COL23A1: variants seen among roughly 807,000 people sequenced by gnomAD.
COL23A1 encodes the protein collagen alpha-1(XXIII) chain.
COL23A1 carries 97 observed loss-of-function variants against 99.3 expected under a neutral mutation model. That is an observed-to-expected ratio of 0.98 (90% CI 0.83 to 1.16). The LOEUF is 1.16. COL23A1 is among the 50% of genes most tolerant of loss of function. COL23A1 has a pLI of 0.00. For missense variants in COL23A1, 762 were observed against 757.4 expected (o/e 1.01, Z -0.07); for synonymous variants, 320 against 308.2 (o/e 1.04, Z -0.40).
chr5:178,247,486 G>C (rs931533922), intron 22 of COL23A1, 40 bp downstream of exon 22: 11 of 1,611,334 alleles, frequency 6.8e-6, no homozygotes, highest in Admixed American at 3.3e-5. Context: ...CTGCCCAGAC[G>C]GTGAGTCTGA....
chr5:178,327,875 G>GAC (rs943611755), intron 2 of COL23A1, among the ~76,000 whole-genome samples: 31 of 152,208 alleles, frequency 2.0e-4, no homozygotes, highest in African/African-American at 6.8e-4. Flanking sequence ...AGTCCTGGCA[G>GAC]ACAAGCTGCT....
intron 2 of COL23A1, among the ~76,000 whole-genome samples, chr5:178,349,469 G>C (rs1761179569): frequency 6.7e-6 from 1 of 149,554 alleles, no homozygotes; most frequent in Admixed American, 6.7e-5. Context: ...AAAAGTGGCT[G>C]GTCCCCTCCG....
At chr5:178,545,625 T>C (rs1021986661) in intron 2 of COL23A1, among the ~76,000 whole-genome samples, 2 of 152,090 alleles carry the variant, frequency 1.3e-5, no homozygotes, top group Non-Finnish European at 2.9e-5. Context: ...CAGGAGTTGC[T>C]TTCTCTCCAT....
chr5:178,558,612 T>C (rs1376300841), intron 2 of COL23A1, among the ~76,000 whole-genome samples: 1 of 152,146 alleles, frequency 6.6e-6, no homozygotes, highest in Non-Finnish European at 1.5e-5. Flanking sequence ...CTAAACGGAT[T>C]TGGTGTCTCA....
At chr5:178,430,597 G>A (rs532340012) in intron 2 of COL23A1, among the ~76,000 whole-genome samples, 14 of 152,364 alleles carry the variant, frequency 9.2e-5, no homozygotes, top group African/African-American at 2.9e-4. Context: ...GAGTGTGAGC[G>A]TGCAGAGAAT....
At chr5:178,426,321 T>C (rs1039165193) in intron 2 of COL23A1, among the ~76,000 whole-genome samples, 3 of 152,224 alleles carry the variant, frequency 2.0e-5, no homozygotes, top group Admixed American at 6.5e-5. Context: ...CAACTTCAGC[T>C]CATCGCTTTT....
chr5:178,450,362 C>T (rs996738302), intron 2 of COL23A1, among the ~76,000 whole-genome samples: 14 of 152,200 alleles, frequency 9.2e-5, no homozygotes, highest in Non-Finnish European at 1.6e-4. Flanking sequence ...GCTTCCTTCT[C>T]GGGCTCACTC....
In COL23A1 at chr5:178,239,182, G is replaced by A. The variant is rs780784987; in HGVS notation, c.1582-3C>T. Reference sequence around the variant, plus strand: ...GGCACAGGCAGCCCGTCGGGGCCCTGGAAAGGAAGAAGGTTTCAGTGATGG... The same window carrying A: ...GGCACAGGCAGCCCGTCGGGGCCCTAGAAAGGAAGAAGGTTTCAGTGATGG... On this transcript the variant is annotated splice_polypyrimidine_tract_variant and splice_region_variant and intron_variant, in intron 27 of 28. Coordinates refer to ENST00000390654, the MANE Select transcript of COL23A1 (RefSeq NM_173465.4). 1.9e-6 allele frequency: 3 copies of A among 1,614,048 alleles called. No individual in the cohort carries two copies. Among genetic ancestry groups the A allele is most frequent in the Admixed American group, 3.3e-5 (2 of 60,026 alleles).
intron 2 of COL23A1, among the ~76,000 whole-genome samples, chr5:178,382,510 C>T (rs1003044720): frequency 2.0e-5 from 3 of 152,048 alleles, no homozygotes; most frequent in East Asian, 3.9e-4. Flanking sequence ...CTGGAGGAGG[C>T]GGGACCTGAG....
At chr5:178,438,491 T>G (rs747724040) in intron 2 of COL23A1, among the ~76,000 whole-genome samples, 1 of 152,190 alleles carries the variant, frequency 6.6e-6, no homozygotes, top group East Asian at 1.9e-4. Flanking sequence ...TGTATCTGAC[T>G]GGTGTTTATG....
At chr5:178,351,222 T>C (rs1450955431) in intron 2 of COL23A1, 2 of 152,154 alleles carry the variant, frequency 1.3e-5, no homozygotes, top group Admixed American at 6.5e-5. Context: ...ATTCTGGCTC[T>C]AGAGAAAGAT....
chr5:178,585,008 G>A (rs1442035863), intron 1 of COL23A1, among the ~76,000 whole-genome samples: 1 of 152,174 alleles, frequency 6.6e-6, no homozygotes, highest in African/African-American at 2.4e-5. Flanking sequence ...AAGGGTTAAA[G>A]GCCAAAGACT....
At chr5:178,459,096 A>G (rs1310729789) in intron 2 of COL23A1, among the ~76,000 whole-genome samples, 1 of 152,200 alleles carries the variant, frequency 6.6e-6, no homozygotes, top group African/African-American at 2.4e-5. Context: ...ACCAATCACA[A>G]TATGGGAACC....
intron 2 of COL23A1, among the ~76,000 whole-genome samples, chr5:178,443,701 G>T (rs1401679234): frequency 6.6e-6 from 1 of 150,846 alleles, no homozygotes; most frequent in East Asian, 2.0e-4. Flanking sequence ...CAAGTGATCC[G>T]CCTGCCTCAG....
intron 2 of COL23A1, among the ~76,000 whole-genome samples, chr5:178,375,953 C>T (rs1026410719): frequency 5.3e-5 from 8 of 152,158 alleles, no homozygotes; most frequent in African/African-American, 1.7e-4. Context: ...GTGATCTGCC[C>T]GCCTCGGCCT....
chr5:178,394,120 A>C, intron 2 of COL23A1, among the ~76,000 whole-genome samples: 1 of 152,212 alleles, frequency 6.6e-6, no homozygotes, highest in East Asian at 1.9e-4. Context: ...GGGAAGCTTC[A>C]GGGAGGAAGC....
At chr5:178,290,938 A>AG (rs1561831391) in intron 3 of COL23A1, among the ~76,000 whole-genome samples, 1 of 152,172 alleles carries the variant, frequency 6.6e-6, no homozygotes, top group Admixed American at 6.5e-5. Flanking sequence ...TGAGGCCCAC[A>AG]GGGGCTTCAC....
At chr5:178,530,420 C>T (rs1391894388) in intron 2 of COL23A1, among the ~76,000 whole-genome samples, 3 of 152,124 alleles carry the variant, frequency 2.0e-5, no homozygotes, top group South Asian at 2.1e-4. Flanking sequence ...CAAGTTGATG[C>T]CACTGCACTC....
intron 2 of COL23A1, among the ~76,000 whole-genome samples, chr5:178,326,585 CTCTT>C (rs1197326765): frequency 1.3e-5 from 2 of 152,190 alleles, no homozygotes; most frequent in Non-Finnish European, 2.9e-5. Context: ...AGTTCGTCCT[CTCTT>C]TATTTATTCA....
Sources: allele counts gnomAD v4.1 joint callset (sites outside exome capture counted in the v4.1 genomes callset), GRCh38; gene constraint gnomAD v4.1.1; transcripts MANE v1.5; gene names NCBI Gene and HGNC (gene_info 2026-07-23, HGNC 2026-07-21).